GABRA5: variants seen among roughly 807,000 people sequenced by gnomAD.
GABRA5 encodes gamma-aminobutyric acid type A receptor subunit alpha5.
Under a neutral mutation model 47.3 loss-of-function variants are expected in GABRA5, and 18 were observed. The observed-to-expected ratio is 0.38, with a 90% CI of 0.26 to 0.56. The LOEUF (loss-of-function observed/expected upper bound fraction) is 0.56, where lower values mean the gene tolerates loss of function less well. Among genes scored for constraint, GABRA5 ranks in the 20% least tolerant of loss-of-function variants. GABRA5 has a pLI of 0.71. For synonymous variants in GABRA5, 237 were observed against 229.3 expected (o/e 1.03, Z -0.30); for missense variants, 365 against 599.3 (o/e 0.61, Z 4.08).
At chr15:26,894,512 T>C (rs1893130417) in intron 6 of GABRA5, among the ~76,000 whole-genome samples, 1 of 152,176 alleles carries the variant, frequency 6.6e-6, no homozygotes, top group Non-Finnish European at 1.5e-5. Context: ...TGGCGTCAGA[T>C]GGCTGTTCTT....
chr15:26,885,362 C>A (rs540807552), intron 6 of GABRA5, among the ~76,000 whole-genome samples: 16,509 of 151,728 alleles, frequency 0.11, 984 homozygotes, highest in East Asian at 0.17. Flanking sequence ...GAGCTCTATC[C>A]TGTTTGAGCT....
At chr15:26,869,036 C>T in intron 2 of GABRA5, 139 bp from the exon 3 acceptor site, 1 of 504,456 alleles carries the variant, frequency 2.0e-6, no homozygotes, top group Non-Finnish European at 3.6e-6. Flanking sequence ...TGGAAAATAC[C>T]TGGTGTGCAG....
In GABRA5 at chr15:26,880,924, G is replaced by A; in HGVS notation, c.165G>A (p.Gly55=). ...CGATATTTACCAGGATCTTGGATGG[G>A]CTCTTGGATGGCTACGACAACAGAC... The part of the protein sequence containing the change: ...NITIFTRILD[G]LLDGYDNRLR... Residue 55 remains glycine (G), a synonymous_variant, in exon 4 of 11, where the codon GGG becomes GGA. Transcript: ENST00000335625. 6.2e-7 allele frequency: 1 copy of A among 1,613,960 alleles called. No homozygotes were observed. Among genetic ancestry groups the A allele is most frequent in the Non-Finnish European group, 8.5e-7 (1 of 1,179,876 alleles).
chr15:26,870,304 A>T (rs1437819024), intron 3 of GABRA5, among the ~76,000 whole-genome samples: 1 of 152,028 alleles, frequency 6.6e-6, no homozygotes, highest in South Asian at 2.1e-4. Flanking sequence ...TCCTCTGTAC[A>T]TTTTCTGCTC....
At chr15:26,920,101 C>A (rs150497199) in intron 7 of GABRA5, among the ~76,000 whole-genome samples, 1 of 151,924 alleles carries the variant, frequency 6.6e-6, no homozygotes, top group Non-Finnish European at 1.5e-5. Context: ...ATTTGGAATC[C>A]TCTGTACTTC....
chr15:26,868,330 C>G (rs903501233), intron 1 of GABRA5, among the ~76,000 whole-genome samples: 3 of 152,094 alleles, frequency 2.0e-5, no homozygotes, highest in African/African-American at 7.2e-5. Context: ...GCCTTCGCTT[C>G]CGAGGTGGAA....
chr15:26,897,105 C>T (rs182892592), intron 6 of GABRA5, among the ~76,000 whole-genome samples: 1 of 152,206 alleles, frequency 6.6e-6, no homozygotes, highest in East Asian at 1.9e-4. Context: ...GAGGTCCCTT[C>T]ACTGCCATTA....
At chr15:26,873,682 T>C (rs774782148) in intron 3 of GABRA5, among the ~76,000 whole-genome samples, 6 of 152,212 alleles carry the variant, frequency 3.9e-5, no homozygotes, top group Non-Finnish European at 7.3e-5. Flanking sequence ...TCTTTTTAAA[T>C]GGAAAGTTCT....
intron 10 of GABRA5, among the ~76,000 whole-genome samples, chr15:26,945,531 G>T (rs1392699811): frequency 1.3e-5 from 2 of 152,212 alleles, no homozygotes; most frequent in African/African-American, 4.8e-5. Flanking sequence ...AACCCGCTGG[G>T]GCGTGTGAGC....
At position 26,874,260 on chromosome 15, in the gene GABRA5, C is replaced by T. The variant is rs73363971; in HGVS notation, c.86+4926C>T. Reference sequence around the variant, plus strand: ...TACTTCAGCATGTATATGAGTGTATCATATACACTCATTTATCAGCATGTA... The same window carrying T: ...TACTTCAGCATGTATATGAGTGTATTATATACACTCATTTATCAGCATGTA... On this transcript the variant is annotated intron_variant, in intron 3 of 10. Coordinates refer to ENST00000335625, the MANE Select transcript of GABRA5 (RefSeq NM_000810.4). 7.5e-3 allele frequency among the ~76,000 whole-genome samples: 1,144 copies of T among 152,178 alleles called. 14 individuals are homozygous for T. Among genetic ancestry groups the T allele is most frequent in the African/African-American group, 0.026 (1,090 of 41,512 alleles).
chr15:26,888,754 G>A (rs1029783425), intron 6 of GABRA5, among the ~76,000 whole-genome samples: 1 of 152,214 alleles, frequency 6.6e-6, no homozygotes, highest in Non-Finnish European at 1.5e-5. Flanking sequence ...CCTTTCATCT[G>A]CCATCTTCCC....
At chr15:26,895,826 A>AGAAGAAGAAGAAG (rs1555390757) in intron 6 of GABRA5, among the ~76,000 whole-genome samples, 1 of 136,018 alleles carries the variant, frequency 7.4e-6, no homozygotes, top group Admixed American at 7.3e-5. Context: ...AAAAAAAAAA[A>AGAAGAAGAAGAAG]AAGAAGAAGA....
chr15:26,945,032 A>G (rs182252738), intron 10 of GABRA5, among the ~76,000 whole-genome samples: 105 of 152,294 alleles, frequency 6.9e-4, no homozygotes, highest in African/African-American at 2.5e-3. Context: ...TGAATTCTGA[A>G]TGGAGGGTTG....
chr15:26,913,347 C>G (rs1302394851), intron 6 of GABRA5, among the ~76,000 whole-genome samples: 1 of 152,140 alleles, frequency 6.6e-6, no homozygotes, highest in Non-Finnish European at 1.5e-5. Context: ...TGGACACAGA[C>G]CTCCCTTCCA....
chr15:26,905,379 CTTGTGCATAAG>C (rs1011250938), intron 6 of GABRA5, among the ~76,000 whole-genome samples: 2 of 151,886 alleles, frequency 1.3e-5, no homozygotes, highest in African/African-American at 4.8e-5. Flanking sequence ...CTTAGGATCC[CTTGTGCATAAG>C]TTTCTTCTCT....
chr15:26,925,453 A>T (rs1332199737), intron 7 of GABRA5, among the ~76,000 whole-genome samples: 1 of 152,202 alleles, frequency 6.6e-6, no homozygotes, highest in Admixed American at 6.5e-5. Flanking sequence ...TACAATATGT[A>T]TCAAGTTTAG....
intron 6 of GABRA5, among the ~76,000 whole-genome samples, chr15:26,911,398 A>ACAC (rs1566877398): frequency 2.8e-3 from 269 of 96,810 alleles, no homozygotes; most frequent in Middle Eastern, 0.015. Context: ...CACACACACA[A>ACAC]ACACACACAC....
At chr15:26,896,077 T>A (rs993665466) in intron 6 of GABRA5, among the ~76,000 whole-genome samples, 4 of 152,140 alleles carry the variant, frequency 2.6e-5, no homozygotes, top group Non-Finnish European at 4.4e-5. Context: ...GTCATTCCCT[T>A]GCTGGGCAAC....
chr15:26,880,990 A>T (rs768606500), intron 4 of GABRA5, 23 bp downstream of exon 4: 1 of 1,610,672 alleles, frequency 6.2e-7, no homozygotes, highest in Non-Finnish European at 8.5e-7. Context: ...TCCTCAGCTG[A>T]GCCCAGCAAG....
Sources: gnomAD v4.1 joint callset for allele counts (sites outside exome capture counted in the v4.1 genomes callset) on GRCh38, gnomAD v4.1.1 for gene constraint, MANE v1.5 for transcripts, NCBI Gene and HGNC (gene_info 2026-07-23, HGNC 2026-07-21) for gene names.